TTI2: variants seen among roughly 807,000 people sequenced by gnomAD.
TTI2 encodes the protein TELO2 interacting protein 2, also known as TELO2-interacting protein 2.
Under a neutral mutation model 44.9 loss-of-function variants are expected in TTI2, and 26 were observed. The observed-to-expected ratio is 0.58, with a 90% CI of 0.42 to 0.80. The LOEUF is 0.80. Ranked by LOEUF, TTI2 falls within the 30% of genes least tolerant of loss-of-function variation. TTI2 has a pLI of 0.00. For missense variants in TTI2, 582 were observed against 611.6 expected (o/e 0.95, Z 0.51); for synonymous variants, 254 against 250.9 (o/e 1.01, Z -0.12).
In TTI2 at chr8:33,503,448, T is replaced by C. The variant is rs754630288; in HGVS notation, c.1240A>G (p.Met414Val). 1 of 1,610,540 alleles carries C rather than the reference T, an allele frequency of 6.2e-7. No homozygotes were observed. Among genetic ancestry groups the C allele is most frequent in the South Asian group, 1.1e-5 (1 of 91,000 alleles). The stretch of plus-strand genomic sequence containing the variant: ...TATTACCTGGGCCAAGTATGTTGCA[T>C]GAGAAGTTTTAGGGTTTCCAATATC... ...LKILETLKLL[M>V]QHTWPRVSCR... is the part of the protein sequence containing the mutation. Residue 414 changes from methionine (M) to valine (V), a missense_variant, in exon 6 of 8, where the codon ATG becomes GTG. Physicochemically the swap from Met to Val is conservative, Grantham distance 21. Coordinates refer to ENST00000431156, the MANE Select transcript of TTI2 (RefSeq NM_001102401.4).
Position 33,512,732 on chromosome 8 carries a change from A to C in TTI2, c.-99-20T>G. On this transcript the variant is annotated intron_variant, in intron 1 of 7. Transcript: ENST00000431156. ...AGAGAACTAAAATCAAATAAAATAA[A>C]ACAGAGAGATGTCTTGGAGGAGGGG... 1 of 1,198,852 alleles carries C rather than the reference A, an allele frequency of 8.3e-7. No individual in the cohort carries two copies. Among genetic ancestry groups the C allele is most frequent in the Non-Finnish European group, 1.2e-6 (1 of 861,526 alleles). 74.3% of individuals were successfully genotyped at this position (1,198,852 alleles called of 1,614,324 possible). A position where few individuals can be genotyped will look rare whatever the true frequency, so the allele number is the denominator to read the frequency against.
intron 1 of TTI2, 140 bp from the exon 2 acceptor site, chr8:33,512,852 G>T: frequency 2.6e-6 from 1 of 377,658 alleles, no homozygotes; most frequent in Non-Finnish European, 4.8e-6. Context: ...TCCAGCCTGG[G>T]CGACAGAGTG....
chr8:33,500,824 T>C, intron 6 of TTI2: 1 of 232,526 alleles, frequency 4.3e-6, no homozygotes, highest in Non-Finnish European at 8.5e-6. Flanking sequence ...ATACTTTTAT[T>C]TTTCAACTCT....
chr8:33,500,451 C>G lies in TTI2; in HGVS notation c.1299G>C (p.Leu433Phe), dbSNP rs547919889. The change falls in exon 7 of 8, where the codon TTG (leucine) becomes TTC (phenylalanine). Residue 433 changes from leucine to phenylalanine, a missense_variant. Coordinates refer to ENST00000431156, the MANE Select transcript of TTI2 (RefSeq NM_001102401.4). Reference protein sequence around the residue: ...CRLVVLLKALLKLICDVARDP... With the variant: ...CRLVVLLKALFKLICDVARDP... ...CCCTTGCTACATCACAAATCAGTTT[C>G]AAGAGGGCCTTCAGTAAGACCACAA... 1.1e-5 allele frequency: 17 copies of G among 1,614,104 alleles called. No homozygotes were observed. Among genetic ancestry groups the G allele is most frequent in the Non-Finnish European group, 1.4e-5 (17 of 1,180,010 alleles).
chr8:33,510,785 TCC>T (rs58548001), intron 2 of TTI2, among the ~76,000 whole-genome samples: 3,380 of 152,286 alleles, frequency 0.022, 59 homozygotes, highest in East Asian at 0.078. Flanking sequence ...GCCTTTTAAT[TCC>T]GTGTTCCTGG....
chr8:33,506,423 G>A (rs1414977836), intron 4 of TTI2, among the ~76,000 whole-genome samples: 4 of 131,562 alleles, frequency 3.0e-5, no homozygotes, highest in African/African-American at 8.7e-5. Flanking sequence ...ATGGAGTCTC[G>A]CTCTGTCACC....
At chr8:33,504,382 C>T (rs966497210) in intron 4 of TTI2, among the ~76,000 whole-genome samples, 5 of 138,968 alleles carry the variant, frequency 3.6e-5, no homozygotes, top group South Asian at 4.6e-4. Context: ...CTGCAACCTC[C>T]GCTTCTCAGG....
chr8:33,500,676 T>TAACAGGA, intron 6 of TTI2, 186 bp from the exon 7 acceptor site: 1 of 623,474 alleles, frequency 1.6e-6, no homozygotes, highest in East Asian at 3.0e-5. Flanking sequence ...TCAAGTCTCC[T>TAACAGGA]GTTAGCATAC....
Position 33,503,733 on chromosome 8 carries a change from AGCCCAG to A in TTI2, c.1115+9_1115+14del, listed in dbSNP as rs1274999941. On this transcript the variant is annotated intron_variant, in intron 5 of 7. Coordinates refer to ENST00000431156, the MANE Select transcript of TTI2 (RefSeq NM_001102401.4). ...TCTGTATAAAATAATAATAAATAAA[AGCCCAG>A]GGCCTCACCTGTTCACGAAAGCCGG... 1 of 1,612,552 alleles carries A rather than the reference AGCCCAG, an allele frequency of 6.2e-7. No individual in the cohort carries two copies. The highest frequency in any genetic ancestry group is 8.5e-7 in the Non-Finnish European group (1 of 1,179,580).
At chr8:33,499,836 A>C (rs2128826352) in intron 7 of TTI2, 1 of 157,202 alleles carries the variant, frequency 6.4e-6, no homozygotes, top group African/African-American at 2.4e-5. Context: ...TTGAGAAGTT[A>C]ACTTTTGTGG....
intron 6 of TTI2, chr8:33,500,692 A>G (rs1441254607): frequency 5.3e-6 from 3 of 563,650 alleles, no homozygotes; most frequent in East Asian, 3.2e-5. Context: ...CATACTGCCT[A>G]TACACACAGA....
chr8:33,499,300 C>G, intron 7 of TTI2, 23 bp from the exon 8 acceptor site: 1 of 1,542,188 alleles, frequency 6.5e-7, no homozygotes, highest in Non-Finnish European at 9.0e-7. Context: ...ACCAAACAGG[C>G]TTTGATATTT....
In TTI2 at chr8:33,503,459, A is replaced by T; in HGVS notation, c.1229T>A (p.Leu410Gln). 6.2e-7 allele frequency: 1 copy of T among 1,614,178 alleles called. No homozygotes were observed. The highest frequency in any genetic ancestry group is 1.1e-5 in the South Asian group (1 of 91,086). ...EEARLKILET[L>Q]KLLMQHTWPR... ...CCAAGTATGTTGCATGAGAAGTTTT[A>T]GGGTTTCCAATATCTTCAGTCTAGC... is the stretch of plus-strand genomic sequence containing the variant. The change falls in exon 6 of 8, where the codon CTA becomes CAA. Residue 410 changes from leucine (L) to glutamine (Q), a missense_variant. By Grantham distance (113) the Leu-to-Gln change is moderately radical. Coordinates refer to ENST00000431156, the MANE Select transcript of TTI2 (RefSeq NM_001102401.4).
chr8:33,499,343 A>G, intron 7 of TTI2, 66 bp from the exon 8 acceptor site: 1 of 1,147,630 alleles, frequency 8.7e-7, no homozygotes, highest in African/African-American at 1.5e-5. Context: ...CTTTTGCTTG[A>G]TTCTTCTTCC....
chr8:33,512,304 C>T lies in TTI2; in HGVS notation c.310G>A (p.Asp104Asn), dbSNP rs199724020. 6.1e-5 allele frequency: 98 copies of T among 1,614,200 alleles called. No homozygotes were observed. The highest frequency in any genetic ancestry group is 8.5e-6 in the Non-Finnish European group (10 of 1,180,042). The change falls in exon 2 of 8, where the codon GAT (aspartate) becomes AAT (asparagine). Residue 104 changes from aspartate (D) to asparagine (N), a missense_variant. Asp to Asn is a conservative substitution (Grantham distance 23). Transcript: ENST00000431156. ...TTCTCGGCCGCTTCGGAGTGCCCAT[C>T]ACCTCCACCTTCCTCCTCCTTGGAG... ...APSKEEEGGG[D>N]GHSEAAEKAA...
chr8:33,511,061 G>C (rs1031960003), intron 2 of TTI2, among the ~76,000 whole-genome samples: 1 of 151,840 alleles, frequency 6.6e-6, no homozygotes, highest in Non-Finnish European at 1.5e-5. Flanking sequence ...AATTTTTTTT[G>C]AGACGATGTC....
Position 33,499,132 on chromosome 8 carries a change from T to C in TTI2, c.*41A>G. 1 of 1,490,778 alleles carries C rather than the reference T, an allele frequency of 6.7e-7. No individual in the cohort carries two copies. Among genetic ancestry groups the C allele is most frequent in the Non-Finnish European group, 9.4e-7 (1 of 1,067,994 alleles). 92.3% of individuals were successfully genotyped at this position (1,490,778 alleles called of 1,614,324 possible). On this transcript the variant is annotated 3_prime_UTR_variant, in exon 8 of 8. Transcript: ENST00000431156. Reference sequence around the variant, plus strand: ...ATAACTCCATTCATACAAATTGGGATGGGAAGAAAATCCTTTCCTCTTGGG... The same window carrying C: ...ATAACTCCATTCATACAAATTGGGACGGGAAGAAAATCCTTTCCTCTTGGG...
intron 2 of TTI2, among the ~76,000 whole-genome samples, chr8:33,510,531 C>T (rs1809490019): frequency 6.6e-6 from 1 of 152,112 alleles, no homozygotes; most frequent in Admixed American, 6.5e-5. Flanking sequence ...CTTGCACCAC[C>T]ATACCCGGAT....
chr8:33,500,406 C>G lies in TTI2; in HGVS notation c.1344G>C (p.Glu448Asp). The change falls in exon 7 of 8, where the codon GAG (glutamate) becomes GAC (aspartate). Residue 448 changes from glutamate to aspartate, a missense_variant. By Grantham distance (45) the Glu-to-Asp change is conservative (BLOSUM62 2). Transcript: ENST00000431156. ...DVARDPNLTP[E>D]SVKSALLQEA... ...CCTGTAGCAGGGCGCTCTTAACAGA[C>G]TCAGGTGTAAGGTTTGGATCCCTTG... The G allele has an allele frequency of 1.2e-6, 2 of 1,614,126 alleles. No individual in the cohort carries two copies. Among genetic ancestry groups the G allele is most frequent in the Non-Finnish European group, 1.7e-6 (2 of 1,180,022 alleles).
Sources: allele counts gnomAD v4.1 joint callset (sites outside exome capture counted in the v4.1 genomes callset), GRCh38; gene constraint gnomAD v4.1.1; transcripts MANE v1.5; gene names NCBI Gene and HGNC (gene_info 2026-07-23, HGNC 2026-07-21).